GC: variants seen among roughly 807,000 people sequenced by gnomAD.
GC encodes GC vitamin D binding protein, also known as vitamin D-binding protein.
A neutral mutation model predicts 56.7 loss-of-function variants in GC; 43 were observed. The ratio of observed to expected loss-of-function variants is 0.76; its 90% confidence interval spans 0.59 to 0.98. The LOEUF (loss-of-function observed/expected upper bound fraction) is 0.98. Ranked by LOEUF, GC falls within the 50% of genes least tolerant of loss-of-function variation. The pLI is 0.00. For missense variants in GC, 529 were observed against 545.9 expected (o/e 0.97, Z 0.31); for synonymous variants, 216 against 202.7 (o/e 1.07, Z -0.56).
rs561743791 is a variant in GC, at chr4:71,803,879, A to C, written c.21+47T>G. 2.4e-4 allele frequency: 261 copies of C among 1,089,954 alleles called. 2 individuals carry two copies. In the African/African-American group the frequency reaches 3.7e-3, roughly 15 times the overall value. The allele number at this position is 1,089,954 out of a possible 1,614,324, so 67.5% of individuals were successfully genotyped here. A position where few individuals can be genotyped will look rare whatever the true frequency, so the allele number is the denominator to read the frequency against. The stretch of plus-strand genomic sequence containing the variant: ...ATTTTATAAGGAAACTAAAGCTCAG[A>C]GAGTACCAATGGTAACTTGAAATTA... On this transcript the variant is annotated intron_variant, in intron 1 of 13. Coordinates refer to the GC transcript ENST00000504199.
chr4:71,799,010 C>G (rs528901792), intron 1 of GC, among the ~76,000 whole-genome samples: 2 of 152,268 alleles, frequency 1.3e-5, no homozygotes, highest in South Asian at 2.1e-4. Context: ...GGAATCATTA[C>G]TATGTCTAAT....
rs541301348 is a variant in GC, at chr4:71,764,345, G to A, written c.474-409C>T. 3.3e-5 allele frequency among the ~76,000 whole-genome samples: 5 copies of A among 152,216 alleles called. No homozygotes were observed. The South Asian group carries it at 8.3e-4, about 25-fold the overall frequency. ...AGGATATATGTTACATTAATTTATA[G>A]TTTTAATATCTAAAAAACACTAAGA... is the stretch of plus-strand genomic sequence containing the variant. On this transcript the variant is annotated intron_variant, in intron 4 of 12. Transcript: ENST00000273951.
chr4:71,784,962 C>T (rs16847024), upstream of GC, among the ~76,000 whole-genome samples: 4,956 of 151,700 alleles, frequency 0.033, 214 homozygotes, highest in East Asian at 0.16. Context: ...GTAGATCATT[C>T]ATTGGAATTA....
chr4:71,758,272 T>A (rs1225660983), intron 6 of GC, 101 bp from the exon 7 acceptor site: 1 of 1,043,236 alleles, frequency 9.6e-7, no homozygotes, highest in African/African-American at 1.6e-5. Flanking sequence ...CAATTTCACC[T>A]CCTTGGCCTC....
intron 1 of GC, among the ~76,000 whole-genome samples, chr4:71,778,411 A>G (rs6816255): frequency 1.2e-3 from 187 of 152,066 alleles, no homozygotes; most frequent in African/African-American, 3.9e-3. Flanking sequence ...TGCTCATAGG[A>G]TCTAGGAACC....
intron 1 of GC, among the ~76,000 whole-genome samples, chr4:71,773,736 G>C (rs190667459): frequency 3.3e-5 from 5 of 152,008 alleles, no homozygotes; most frequent in African/African-American, 1.2e-4. Flanking sequence ...CGTACAGGAT[G>C]CTAGGAACTA....
intron 1 of GC, among the ~76,000 whole-genome samples, chr4:71,772,952 C>T (rs1163952979): frequency 6.6e-6 from 1 of 151,978 alleles, no homozygotes; most frequent in Non-Finnish European, 1.5e-5. Context: ...TCAAATACAG[C>T]AAATAAATAC....
chr4:71,805,168 A>AT (rs1300177019), upstream of GC, among the ~76,000 whole-genome samples: 1 of 152,128 alleles, frequency 6.6e-6, no homozygotes, highest in African/African-American at 2.4e-5. Flanking sequence ...AGGTCCCTTA[A>AT]TTGAGCCTGG....
intron 11 of GC, among the ~76,000 whole-genome samples, chr4:71,750,697 C>CAA (rs1741521189): frequency 6.6e-6 from 1 of 152,008 alleles, no homozygotes; most frequent in Non-Finnish European, 1.5e-5. Context: ...TCAGCCTGGC[C>CAA]AACATGGTGA....
At chr4:71,772,615 T>C (rs1006313504) in intron 1 of GC, among the ~76,000 whole-genome samples, 3 of 152,182 alleles carry the variant, frequency 2.0e-5, no homozygotes, top group African/African-American at 7.2e-5. Flanking sequence ...CATTATATAC[T>C]GCTTTAGTTA....
intron 1 of GC, among the ~76,000 whole-genome samples, chr4:71,802,382 C>T (rs1318471017): frequency 3.3e-5 from 5 of 152,014 alleles, no homozygotes; most frequent in African/African-American, 4.8e-5. Flanking sequence ...GAGATATGTC[C>T]GAACTGATTA....
chr4:71,804,153 G>A (rs1743310405), upstream of GC: 1 of 594,926 alleles, frequency 1.7e-6, no homozygotes, highest in East Asian at 2.8e-5. Flanking sequence ...ATGGATGAAA[G>A]GAATAGTCAG....
chr4:71,756,765 C>T lies in GC; in HGVS notation c.981G>A (p.Glu327=), dbSNP rs750918516. 5 of 1,613,964 alleles carry T rather than the reference C, an allele frequency of 3.1e-6. No homozygotes were observed. The highest frequency in any genetic ancestry group is 4.5e-5 in the East Asian group (2 of 44,874). ...AAQLPELPDV[E]LPTNKDVCDP... Reference sequence around the variant, plus strand: ...CACACACATCTTTGTTTGTGGGCAACTCTACATCTGGAAGCTCGGGGAGTT... The same window carrying T: ...CACACACATCTTTGTTTGTGGGCAATTCTACATCTGGAAGCTCGGGGAGTT... The change falls in exon 8 of 13, where the codon GAG becomes GAA. Residue 327 remains glutamate (E), a synonymous_variant. Coordinates refer to ENST00000273951, the MANE Select transcript of GC (RefSeq NM_000583.4).
intron 1 of GC, among the ~76,000 whole-genome samples, chr4:71,796,627 GAA>G (rs1743113158): frequency 6.6e-6 from 1 of 152,148 alleles, no homozygotes; most frequent in Non-Finnish European, 1.5e-5. Context: ...TTAGTTTGGT[GAA>G]GTTTGTTATT....
upstream of GC, among the ~76,000 whole-genome samples, chr4:71,805,159 G>A (rs2149312397): frequency 6.6e-6 from 1 of 152,204 alleles, no homozygotes; most frequent in South Asian, 2.1e-4. Context: ...GTTTGCATTA[G>A]GTCCCTTAAT....
At chr4:71,749,867 C>A (rs1741491226) in intron 11 of GC, among the ~76,000 whole-genome samples, 1 of 152,064 alleles carries the variant, frequency 6.6e-6, no homozygotes. Context: ...GGAATTCTGA[C>A]TTTATAAATT....
intron 6 of GC, 132 bp from the exon 7 acceptor site, chr4:71,758,303 T>C: frequency 1.4e-6 from 1 of 702,336 alleles, no homozygotes; most frequent in Non-Finnish European, 2.4e-6. Flanking sequence ...TGGGAGCACA[T>C]CTGCCATGCG....
upstream of GC, chr4:71,784,254 G>T: frequency 8.2e-7 from 1 of 1,213,066 alleles, no homozygotes; most frequent in Non-Finnish European, 1.0e-6. Context: ...TGGGGATACT[G>T]TAGTGGAAAA....
At chr4:71,784,111 G>C, upstream of GC, 1 of 1,514,744 alleles carries the variant, frequency 6.6e-7, no homozygotes, top group South Asian at 1.4e-5. Context: ...TTTTTACAAA[G>C]ATTCCTGACT....
Sources: allele counts gnomAD v4.1 joint callset (sites outside exome capture counted in the v4.1 genomes callset), GRCh38; gene constraint gnomAD v4.1.1; transcripts MANE v1.5; gene names NCBI Gene and HGNC (gene_info 2026-07-23, HGNC 2026-07-21).